MORN3: variants seen among roughly 807,000 people sequenced by gnomAD.
MORN3 encodes MORN repeat-containing protein 3.
MORN3 carries 38 observed loss-of-function variants against 34.7 expected under a neutral mutation model. That is an observed-to-expected ratio of 1.10 (90% CI 0.85 to 1.44). MORN3 has a LOEUF of 1.44. Among genes scored for constraint, MORN3 ranks in the 40% most tolerant of loss-of-function variants. MORN3 has a pLI of 0.00. For synonymous variants in MORN3, 109 were observed against 115.3 expected, an observed-to-expected ratio of 0.95 and a Z score of 0.35; for missense variants, 311 against 321.7, an observed-to-expected ratio of 0.97 and a Z score of 0.25.
intron 2 of MORN3, among the ~76,000 whole-genome samples, chr12:121,654,897 G>A (rs1206972784): frequency 6.6e-6 from 1 of 151,656 alleles, no homozygotes; most frequent in Non-Finnish European, 1.5e-5. Context: ...AGTGCCCACC[G>A]ATAATGTCTT....
chr12:121,654,548 C>T, intron 2 of MORN3, 115 bp from the exon 3 acceptor site: 1 of 1,163,824 alleles, frequency 8.6e-7, no homozygotes, highest in Non-Finnish European at 1.2e-6. Context: ...TCTTCCTCAG[C>T]CCTACGTCCA....
intron 2 of MORN3, among the ~76,000 whole-genome samples, chr12:121,656,135 A>T (rs900050123): frequency 2.6e-5 from 4 of 152,150 alleles, no homozygotes; most frequent in Non-Finnish European, 2.9e-5. Flanking sequence ...TACTCCTCAA[A>T]ATCCTGATTT....
intron 2 of MORN3, among the ~76,000 whole-genome samples, chr12:121,658,459 G>C (rs1389434892): frequency 3.3e-5 from 5 of 151,666 alleles, no homozygotes; most frequent in African/African-American, 4.8e-5. Flanking sequence ...CCAGCAACCT[G>C]GGAAGCTGAG....
At chr12:121,651,780 C>T (rs1555325128) in intron 5 of MORN3, 136 bp from the exon 6 acceptor site, 1 of 152,296 alleles carries the variant, frequency 6.6e-6, no homozygotes, top group African/African-American at 2.4e-5. Flanking sequence ...TAAATGGAGG[C>T]TGAAGGCCAA....
intron 1 of MORN3, among the ~76,000 whole-genome samples, chr12:121,669,082 C>CCGGGGG (rs1468428822): frequency 6.6e-6 from 1 of 152,180 alleles, no homozygotes; most frequent in Admixed American, 6.6e-5. Context: ...TCCCAGAGCC[C>CCGGGGG]CGGGGGCAGG....
rs770544010 is a variant in MORN3 at position 121,659,197 on chromosome 12, C to T, written c.297G>A (p.Lys99=). ...GGCTGGCAGGCCTGCTCACCGATTT[C>T]TTATCACCTTTCCACCAGCCTGAGT... ...RVYSGWWKGD[K]KSGYGIQFFG... is the part of the protein sequence containing the mutation. The change falls in exon 2 of 6, where the codon AAG becomes AAA. Residue 99 remains lysine (K), a synonymous_variant. Transcript: ENST00000355329. 1 of 1,612,568 alleles carries T rather than the reference C, an allele frequency of 6.2e-7. No homozygotes were observed. Among genetic ancestry groups the T allele is most frequent in the Non-Finnish European group, 8.5e-7 (1 of 1,179,076 alleles).
rs765902889 is a variant in MORN3, at chr12:121,659,305, C to G, written c.189G>C (p.Glu63Asp). ...CTCGCTTCCCAAACTTCCAGTCCCC[C>G]TCATAGATGGCTCCTTTCTTCTTCC... ...QVWKKKGAIY[E>D]GDWKFGKRDG... The change falls in exon 2 of 6, where the codon GAG (glutamate) becomes GAC (aspartate). Residue 63 changes from glutamate to aspartate, a missense_variant. Coordinates refer to ENST00000355329, the MANE Select transcript of MORN3 (RefSeq NM_173855.5). 6.2e-7 allele frequency: 1 copy of G among 1,614,106 alleles called. No homozygotes were observed. Among genetic ancestry groups the G allele is most frequent in the South Asian group, 1.1e-5 (1 of 91,086 alleles).
chr12:121,664,133 A>G (rs1201355610), intron 1 of MORN3, among the ~76,000 whole-genome samples: 2 of 152,074 alleles, frequency 1.3e-5, no homozygotes, highest in Non-Finnish European at 2.9e-5. Context: ...CTGACTTAAG[A>G]AGGAACTCAA....
Position 121,648,841 on chromosome 12 carries a change from GTCCCCAATTC to G in MORN3, c.*2800_*2809del, listed in dbSNP as rs1261358444. The G allele has an allele frequency of 1.3e-5, 2 of 152,034 alleles. No individual in the cohort carries two copies. The highest frequency in any genetic ancestry group is 4.8e-5 in the African/African-American group (2 of 41,386). The allele number at this position is 152,034 out of a possible 1,614,324, so 9.4% of individuals were successfully genotyped here. ...GTTGTTCTTCAGCTCCTGTTCCCAA[GTCCCCAATTC>G]TCCCCAGAGACAACCATCTTTGCCA... On this transcript the variant is annotated 3_prime_UTR_variant, in exon 6 of 6. Coordinates refer to ENST00000355329, the MANE Select transcript of MORN3 (RefSeq NM_173855.5).
chr12:121,667,969 C>T (rs1222216056), intron 1 of MORN3, among the ~76,000 whole-genome samples: 1 of 151,156 alleles, frequency 6.6e-6, no homozygotes, highest in African/African-American at 2.4e-5. Flanking sequence ...ATGATCCGCC[C>T]GCCTCGGCTT....
At chr12:121,656,491 T>C (rs2136870275) in intron 2 of MORN3, among the ~76,000 whole-genome samples, 1 of 152,040 alleles carries the variant, frequency 6.6e-6, no homozygotes, top group African/African-American at 2.4e-5. Context: ...ATCTAGCTAA[T>C]TATTATTATT....
Position 121,659,206 on chromosome 12 carries a change from T to G in MORN3, c.288A>C (p.Lys96Asn). The G allele has an allele frequency of 6.2e-7, 1 of 1,613,064 alleles. No homozygotes were observed. Among genetic ancestry groups the G allele is most frequent in the Non-Finnish European group, 8.5e-7 (1 of 1,179,542 alleles). Residue 96 changes from lysine to asparagine, a missense_variant, in exon 2 of 6, where the codon AAA becomes AAC. Physicochemically the swap from Lys to Asn is moderately conservative, Grantham distance 94. Coordinates refer to ENST00000355329, the MANE Select transcript of MORN3 (RefSeq NM_173855.5). Reference protein sequence around the residue: ...KCRRVYSGWWKGDKKSGYGIQ... With the variant: ...KCRRVYSGWWNGDKKSGYGIQ... ...GCCTGCTCACCGATTTCTTATCACC[T>G]TTCCACCAGCCTGAGTAGACTCTCC...
intron 1 of MORN3, 48 bp from the exon 2 acceptor site, chr12:121,659,396 T>G (rs779839396): frequency 8.9e-6 from 14 of 1,574,636 alleles, no homozygotes; most frequent in East Asian, 2.3e-5. Flanking sequence ...CGCCGGGGGG[T>G]GGGGGTGGTG....
At chr12:121,665,791 C>T (rs972739892) in intron 1 of MORN3, among the ~76,000 whole-genome samples, 1 of 143,252 alleles carries the variant, frequency 7.0e-6, no homozygotes, top group Non-Finnish European at 1.5e-5. Context: ...AAAAAAAGAC[C>T]TGGCATTTTC....
rs1220899958 is a variant in MORN3, at chr12:121,651,141, T to C, written c.*510A>G. Reference sequence around the variant, plus strand: ...TCTTTTATATTTTAAAATTTTTTTTTGTAGAGTCAGGGTCTTGCTATGTTG... The same window carrying C: ...TCTTTTATATTTTAAAATTTTTTTTCGTAGAGTCAGGGTCTTGCTATGTTG... On this transcript the variant is annotated 3_prime_UTR_variant, in exon 6 of 6. Transcript: ENST00000355329. The C allele has an allele frequency of 2.0e-5, 3 of 152,168 alleles. No individual in the cohort carries two copies. Among genetic ancestry groups the C allele is most frequent in the African/African-American group, 7.2e-5 (3 of 41,430 alleles). 9.4% of individuals were successfully genotyped at this position (152,168 alleles called of 1,614,324 possible).
intron 1 of MORN3, among the ~76,000 whole-genome samples, chr12:121,667,022 G>T (rs113318983): frequency 0.032 from 4,643 of 144,220 alleles, 251 homozygotes; most frequent in African/African-American, 0.11. Context: ...GTGCAATGGC[G>T]CAATCTCAGC....
Position 121,648,968 on chromosome 12 carries a change from T to G in MORN3, c.*2683A>C, listed in dbSNP as rs1381928010. 6.6e-6 allele frequency: 1 copy of G among 151,624 alleles called. No homozygotes were observed. Among genetic ancestry groups the G allele is most frequent in the Non-Finnish European group, 1.5e-5 (1 of 67,986 alleles). 9.4% of individuals were successfully genotyped at this position (151,624 alleles called of 1,614,324 possible). On this transcript the variant is annotated 3_prime_UTR_variant, in exon 6 of 6. Coordinates refer to ENST00000355329, the MANE Select transcript of MORN3 (RefSeq NM_173855.5). ...TTTTTTTTGAGATGGAGTCTCGCTC[T>G]GTTGCCCAGGCTGGAGAGCAGCGGC...
intron 2 of MORN3, among the ~76,000 whole-genome samples, chr12:121,655,475 C>A (rs1233898270): frequency 6.6e-6 from 1 of 151,222 alleles, no homozygotes. Flanking sequence ...TTTGGGAGGC[C>A]GAGGCAGATG....
rs1415498378 is a variant in MORN3, at chr12:121,669,327, A to T, written c.145+12T>A. On this transcript the variant is annotated intron_variant, in intron 1 of 5. Transcript: ENST00000355329. ...ACCCCACTCCGGCCGCCCGTCCCGG[A>T]GTCCCACTCACCGTGTTTCACGTTG... The T allele has an allele frequency of 1.2e-6, 2 of 1,612,610 alleles. No individual in the cohort carries two copies. The highest frequency in any genetic ancestry group is 2.7e-5 in the African/African-American group (2 of 74,958).
Sources: gnomAD v4.1 joint callset for allele counts (sites outside exome capture counted in the v4.1 genomes callset) on GRCh38, gnomAD v4.1.1 for gene constraint, MANE v1.5 for transcripts, NCBI Gene and HGNC (gene_info 2026-07-23, HGNC 2026-07-21) for gene names.